Variants in ATRNL1 observed in about 807,000 individuals in gnomAD.
ATRNL1 encodes the protein attractin like 1.
Under a neutral mutation model 182.7 loss-of-function variants are expected in ATRNL1, and 95 were observed. The ratio of observed to expected loss-of-function variants is 0.52; its 90% CI spans 0.44 to 0.62. ATRNL1 has a LOEUF of 0.62. Ranked by LOEUF, ATRNL1 falls within the 20% of genes least tolerant of loss-of-function variation. The pLI, the probability that ATRNL1 is intolerant of heterozygous loss-of-function variation, is 0.00. For missense variants in ATRNL1, 1,471 were observed against 1,679.5 expected (o/e 0.88, Z 2.17); for synonymous variants, 576 against 568.3 (o/e 1.01, Z -0.19).
At chr10:115,612,686 G>C in intron 26 of ATRNL1, among the ~76,000 whole-genome samples, 1 of 152,202 alleles carries the variant, frequency 6.6e-6, no homozygotes, top group African/African-American at 2.4e-5. Context: ...AGTTTGAAAA[G>C]TCCTTGGCAA....
chr10:115,796,196 G>A (rs1949650200), intron 27 of ATRNL1, among the ~76,000 whole-genome samples: 1 of 151,528 alleles, frequency 6.6e-6, no homozygotes, highest in East Asian at 2.0e-4. Flanking sequence ...ACCCTGCTTG[G>A]GACAGCTTTA....
chr10:115,702,640 C>G (rs1357653050), intron 26 of ATRNL1, among the ~76,000 whole-genome samples: 2 of 151,840 alleles, frequency 1.3e-5, no homozygotes, highest in African/African-American at 4.8e-5. Context: ...TTTCTATACA[C>G]CAGTAACATT....
chr10:115,295,177 G>A (rs1223813160), intron 15 of ATRNL1, among the ~76,000 whole-genome samples: 1 of 152,148 alleles, frequency 6.6e-6, no homozygotes, highest in African/African-American at 2.4e-5. Context: ...CTTTGGGGCT[G>A]TTTTTCAGGC....
At chr10:115,196,693 A>T (rs1848374732) in intron 8 of ATRNL1, among the ~76,000 whole-genome samples, 1 of 152,142 alleles carries the variant, frequency 6.6e-6, no homozygotes, top group East Asian at 1.9e-4. Context: ...GGTATTTAAA[A>T]AATTTAAATT....
chr10:115,462,007 C>A lies in ATRNL1; in HGVS notation c.3389C>A (p.Ala1130Asp), dbSNP rs782462907. ...CAGGAAGATGATCGCCACCATACTGCCATAAACTTTATAGCAAACCCAGAA... is the reference window on the plus strand; with the variant it reads ...CAGGAAGATGATCGCCACCATACTGACATAAACTTTATAGCAAACCCAGAA... ...LLQEDDRHHT[A>D]INFIANPEQS... Residue 1130 changes from alanine (A) to aspartate (D), a missense_variant, in exon 22 of 29, where the codon GCC becomes GAC. Ala to Asp is a moderately radical substitution (Grantham distance 126, BLOSUM62 -2). Around this residue, in one of 3 missense-constraint regions of ATRNL1, gnomAD observed 437 missense variants for 506.0 expected, o/e 0.86. Transcript: ENST00000355044. The A allele has an allele frequency of 6.2e-7, 1 of 1,609,534 alleles. No individual in the cohort carries two copies. The highest frequency in any genetic ancestry group is 8.5e-7 in the Non-Finnish European group (1 of 1,177,544).
chr10:115,392,126 A>G (rs1336665169), intron 19 of ATRNL1, among the ~76,000 whole-genome samples: 1 of 152,168 alleles, frequency 6.6e-6, no homozygotes. Flanking sequence ...TAATTATCCC[A>G]TTATATAAAT....
intron 27 of ATRNL1, among the ~76,000 whole-genome samples, chr10:115,797,766 A>G (rs922067397): frequency 6.6e-6 from 1 of 152,172 alleles, no homozygotes; most frequent in Admixed American, 6.5e-5. Context: ...CACTAAGAAG[A>G]TGACATTCAA....
intron 9 of ATRNL1, among the ~76,000 whole-genome samples, chr10:115,222,739 A>T (rs1256084075): frequency 6.6e-6 from 1 of 152,210 alleles, no homozygotes; most frequent in African/African-American, 2.4e-5. Context: ...ATTTTTAGAA[A>T]AACAATGACT....
In ATRNL1 at chr10:115,462,426, A is replaced by C. The variant is rs150478127; in HGVS notation, c.3417+391A>C. Among the ~76,000 whole-genome samples the C allele has an allele frequency of 1.3e-3, 201 of 152,100 alleles. 1 individual carries two copies. Among genetic ancestry groups the C allele is most frequent in the African/African-American group, 4.6e-3 (189 of 41,486 alleles). On this transcript the variant is annotated intron_variant, in intron 22 of 28. Coordinates refer to ENST00000355044, the MANE Select transcript of ATRNL1 (RefSeq NM_207303.4). ...CCAGAGATCGAGACCATCCTGGCCA[A>C]TGTGGTGAATCCCCATCTCTACTAA...
At chr10:115,702,128 T>A (rs782129288) in intron 26 of ATRNL1, among the ~76,000 whole-genome samples, 1 of 151,990 alleles carries the variant, frequency 6.6e-6, no homozygotes, top group Non-Finnish European at 1.5e-5. Flanking sequence ...TGCAAATAAA[T>A]AAATGTGATT....
At chr10:115,135,103 G>A (rs1181725738) in intron 5 of ATRNL1, among the ~76,000 whole-genome samples, 2 of 152,026 alleles carry the variant, frequency 1.3e-5, no homozygotes, top group South Asian at 2.1e-4. Flanking sequence ...AAAACTGGAA[G>A]CATTCCCTTT....
intron 12 of ATRNL1, among the ~76,000 whole-genome samples, chr10:115,268,048 A>G (rs1220890918): frequency 6.6e-6 from 1 of 152,142 alleles, no homozygotes; most frequent in Non-Finnish European, 1.5e-5. Context: ...GGCATGAGCT[A>G]CCGTGCCTGG....
At position 115,127,734 on chromosome 10, in the gene ATRNL1, T is replaced by A. The variant is rs782691406; in HGVS notation, c.620+13T>A. On this transcript the variant is annotated intron_variant, in intron 4 of 28. Transcript: ENST00000355044. ...ACATTTTCTATTCGTAAGTATTTTT[T>A]AAAAATTCCTTCTTTTAATGATTCT... 14 of 1,383,090 alleles carry A rather than the reference T, an allele frequency of 1.0e-5. No homozygotes were observed. The highest frequency in any genetic ancestry group is 5.8e-5 in the Admixed American group (2 of 34,198). The allele number at this position is 1,383,090 out of a possible 1,614,324, so 85.7% of individuals were successfully genotyped here.
At chr10:115,226,683 A>G (rs529251183) in intron 9 of ATRNL1, among the ~76,000 whole-genome samples, 2 of 152,304 alleles carry the variant, frequency 1.3e-5, no homozygotes, top group African/African-American at 4.8e-5. Flanking sequence ...AAACTGTACT[A>G]TAAAGCTACA....
intron 8 of ATRNL1, 77 bp from the exon 9 acceptor site, chr10:115,215,620 G>T: frequency 9.2e-7 from 1 of 1,088,084 alleles, no homozygotes; most frequent in South Asian, 1.6e-5. Flanking sequence ...GAATTAACTT[G>T]TTGGTATTTT....
chr10:115,177,955 G>A (rs1847596573), intron 8 of ATRNL1, among the ~76,000 whole-genome samples: 1 of 103,352 alleles, frequency 9.7e-6, no homozygotes, highest in Admixed American at 1.6e-4. Context: ...GTCTGACTCT[G>A]TTGCAGGGGC....
At chr10:115,374,541 TTTC>T (rs1301049549) in intron 19 of ATRNL1, among the ~76,000 whole-genome samples, 18 of 150,982 alleles carry the variant, frequency 1.2e-4, no homozygotes, top group African/African-American at 3.9e-4. Flanking sequence ...TTTCTTTCTC[TTTC>T]TTCTTCTTTG....
At chr10:115,474,362 A>G (rs2134585627) in intron 24 of ATRNL1, among the ~76,000 whole-genome samples, 1 of 151,512 alleles carries the variant, frequency 6.6e-6, no homozygotes, top group South Asian at 2.1e-4. Context: ...GGTCACTTTT[A>G]TCTTCTTCTG....
At chr10:115,188,599 G>T (rs562183211) in intron 8 of ATRNL1, among the ~76,000 whole-genome samples, 26 of 152,102 alleles carry the variant, frequency 1.7e-4, no homozygotes, top group Non-Finnish European at 3.5e-4. Context: ...TGGAGGTGTA[G>T]TTGGGAAGCC....
Sources: allele counts gnomAD v4.1 joint callset (sites outside exome capture counted in the v4.1 genomes callset), GRCh38; gene constraint gnomAD v4.1.1; regional missense constraint gnomAD v4.1.1; transcripts MANE v1.5; gene names NCBI Gene and HGNC (gene_info 2026-07-23, HGNC 2026-07-21).